Variants in MICU3 observed in about 807,000 individuals in gnomAD.
MICU3 encodes calcium uptake protein 3, mitochondrial.
A neutral mutation model predicts 66.5 loss-of-function variants in MICU3; 62 were observed. The observed-to-expected ratio is 0.93, with a 90% CI of 0.76 to 1.15. MICU3 has a LOEUF of 1.15. Ranked by LOEUF, MICU3 falls within the 50% of genes most tolerant of loss-of-function variation. The pLI is 0.00. For synonymous variants in MICU3, 308 were observed against 240.7 expected (o/e 1.28, Z -2.59); for missense variants, 779 against 664.4 (o/e 1.17, Z -1.90).
intron 8 of MICU3, among the ~76,000 whole-genome samples, chr8:17,096,972 TGTGTGTGTG>T: frequency 6.6e-6 from 1 of 150,814 alleles, no homozygotes; most frequent in Non-Finnish European, 1.5e-5. Context: ...TGTGTGTGTG[TGTGTGTGTG>T]TGTGTGTGTG....
intron 4 of MICU3, among the ~76,000 whole-genome samples, chr8:17,079,906 G>A (rs1336569245): frequency 2.6e-5 from 4 of 152,188 alleles, no homozygotes; most frequent in South Asian, 4.1e-4. Context: ...AACATGTATT[G>A]TAGAGACTTA....
chr8:17,083,317 C>T (rs972014059), intron 5 of MICU3, among the ~76,000 whole-genome samples: 1 of 152,042 alleles, frequency 6.6e-6, no homozygotes, highest in Non-Finnish European at 1.5e-5. Context: ...ATGTTATCCC[C>T]AGGAGCAATT....
At chr8:17,077,671 A>G (rs1820577989) in intron 3 of MICU3, 112 bp from the exon 4 acceptor site, 2 of 657,966 alleles carry the variant, frequency 3.0e-6, no homozygotes, top group Non-Finnish European at 5.2e-6. Context: ...AAATAATGCC[A>G]TGTTTCAGGT....
chr8:17,113,444 A>G (rs1802389750), intron 11 of MICU3, among the ~76,000 whole-genome samples: 1 of 152,240 alleles, frequency 6.6e-6, no homozygotes, highest in Admixed American at 6.5e-5. Context: ...TATACACATG[A>G]CATTCCAGAA....
chr8:17,062,621 A>G (rs1818019530), intron 1 of MICU3, among the ~76,000 whole-genome samples: 1 of 152,202 alleles, frequency 6.6e-6, no homozygotes, highest in African/African-American at 2.4e-5. Context: ...CTAAATATTT[A>G]AACAGTTTTT....
At chr8:17,112,490 T>A (rs948523922) in intron 11 of MICU3, among the ~76,000 whole-genome samples, 2 of 152,210 alleles carry the variant, frequency 1.3e-5, no homozygotes, top group Non-Finnish European at 2.9e-5. Flanking sequence ...AAACATTGCT[T>A]TAATTATCTC....
rs534590339 is a variant in MICU3 at position 17,120,310 on chromosome 8, A to G, written c.*23A>G. The G allele has an allele frequency of 3.0e-4, 45 of 152,254 alleles. 1 individual carries two copies. The highest frequency in any genetic ancestry group is 1.0e-3 in the African/African-American group (43 of 41,560). The allele number at this position is 152,254 out of a possible 1,614,324, so 9.4% of individuals were successfully genotyped here. A position where few individuals can be genotyped will look rare whatever the true frequency, so the allele number is the denominator to read the frequency against. On this transcript the variant is annotated 3_prime_UTR_variant, in exon 15 of 15. Coordinates refer to ENST00000318063, the MANE Select transcript of MICU3 (RefSeq NM_181723.3). Reference sequence around the variant, plus strand: ...TAGATACTCCTAAAACAAAGTTTAAAGGATTACTATCTGTGTGACAAATAA... The same window carrying G: ...TAGATACTCCTAAAACAAAGTTTAAGGGATTACTATCTGTGTGACAAATAA...
In MICU3 at chr8:17,027,677, G is replaced by A; in HGVS notation, c.381+17G>A. On this transcript the variant is annotated intron_variant, in intron 1 of 14. Coordinates refer to ENST00000318063, the MANE Select transcript of MICU3 (RefSeq NM_181723.3). ...AAGGAGACGGTGAGTGCGCGAGCGC[G>A]CGTCACACCTGCGCGGGGGATGTGA... 1 of 1,278,156 alleles carries A rather than the reference G, an allele frequency of 7.8e-7. No homozygotes were observed. The highest frequency in any genetic ancestry group is 3.1e-5 in the East Asian group (1 of 31,932). 79.2% of individuals were successfully genotyped at this position (1,278,156 alleles called of 1,614,324 possible). A position where few individuals can be genotyped will look rare whatever the true frequency, so the allele number is the denominator to read the frequency against.
At chr8:17,086,481 A>G (rs912318604) in intron 6 of MICU3, among the ~76,000 whole-genome samples, 1 of 152,018 alleles carries the variant, frequency 6.6e-6, no homozygotes, top group Non-Finnish European at 1.5e-5. Context: ...TGATGGGGAG[A>G]TGGCGGTTTT....
At chr8:17,073,975 A>G (rs963922003) in intron 3 of MICU3, among the ~76,000 whole-genome samples, 1 of 152,190 alleles carries the variant, frequency 6.6e-6, no homozygotes, top group Non-Finnish European at 1.5e-5. Flanking sequence ...AACTATTTTC[A>G]TCATAATATT....
Position 17,042,931 on chromosome 8 carries a change from A to ATTTTTTT in MICU3, c.381+15291_381+15297dup, listed in dbSNP as rs996846253. ...AAACTGCTTGTAGCAATTCAAAGTG[A>ATTTTTTT]TTTTTTTTTTTTTTTTTTTTTTTTT... On this transcript the variant is annotated intron_variant, in intron 1 of 14. Coordinates refer to ENST00000318063, the MANE Select transcript of MICU3 (RefSeq NM_181723.3). Among the ~76,000 whole-genome samples, 221 of 82,158 alleles carry ATTTTTTT rather than the reference A, an allele frequency of 2.7e-3. 54 individuals carry two copies. The highest frequency in any genetic ancestry group is 0.012 in the African/African-American group (207 of 17,332). 53.9% of individuals were successfully genotyped at this position (82,158 alleles called of 152,430 possible). A position where few individuals can be genotyped will look rare whatever the true frequency, so the allele number is the denominator to read the frequency against.
At chr8:17,118,933 G>A (rs182138239) in intron 14 of MICU3, among the ~76,000 whole-genome samples, 158 bp downstream of exon 14, 2 of 151,992 alleles carry the variant, frequency 1.3e-5, no homozygotes, top group African/African-American at 2.4e-5. Context: ...AAAATTTTAC[G>A]TTAAACCTGA....
intron 11 of MICU3, among the ~76,000 whole-genome samples, chr8:17,111,492 T>A (rs571227110): frequency 2.6e-5 from 4 of 152,128 alleles, no homozygotes; most frequent in Non-Finnish European, 5.9e-5. Flanking sequence ...CAGCTAATTT[T>A]GATAGTGTTC....
rs943961217 is a variant in MICU3, at chr8:17,057,330, C to T, written c.382-6754C>T. On this transcript the variant is annotated intron_variant, in intron 1 of 14. Transcript: ENST00000318063. ...ATGGGTTGGTTCTAAGGATAGGGAGCAAATCAGGAGCTCAGTTCTTGTTCC... is the reference window on the plus strand; with the variant it reads ...ATGGGTTGGTTCTAAGGATAGGGAGTAAATCAGGAGCTCAGTTCTTGTTCC... Among the ~76,000 whole-genome samples, 3 of 152,092 alleles carry T rather than the reference C, an allele frequency of 2.0e-5. No homozygotes were observed. The East Asian group carries it at 5.8e-4, about 29-fold the overall frequency.
At chr8:17,037,672 A>G (rs975096311) in intron 1 of MICU3, among the ~76,000 whole-genome samples, 4 of 152,130 alleles carry the variant, frequency 2.6e-5, no homozygotes, top group African/African-American at 7.2e-5. Flanking sequence ...GAGGGCCACC[A>G]TCCTCCAGAC....
chr8:17,064,291 C>A, intron 2 of MICU3, 54 bp downstream of exon 2: 1 of 1,409,750 alleles, frequency 7.1e-7, no homozygotes, highest in Non-Finnish European at 9.8e-7. Context: ...TTATCTCTAG[C>A]TTGTGAATGG....
chr8:17,067,045 A>G (rs1818835568), intron 2 of MICU3, among the ~76,000 whole-genome samples: 1 of 152,214 alleles, frequency 6.6e-6, no homozygotes, highest in African/African-American at 2.4e-5. Flanking sequence ...AGGATATTTT[A>G]CAACCACAAC....
chr8:17,077,865 A>T lies in MICU3; in HGVS notation c.646+4A>T, dbSNP rs112905373. On this transcript the variant is annotated splice_donor_region_variant and intron_variant, in intron 4 of 14. Coordinates refer to ENST00000318063, the MANE Select transcript of MICU3 (RefSeq NM_181723.3). Reference sequence around the variant, plus strand: ...TTTCGAAATCTTAAAGAAAAAGGTGAGTTAACCTTAGTACTTGTTCTTTTT... The same window carrying T: ...TTTCGAAATCTTAAAGAAAAAGGTGTGTTAACCTTAGTACTTGTTCTTTTT... 6.3e-7 allele frequency: 1 copy of T among 1,582,108 alleles called. No individual in the cohort carries two copies. Among genetic ancestry groups the T allele is most frequent in the African/African-American group, 1.3e-5 (1 of 74,184 alleles).
chr8:17,053,712 A>T (rs1371457179), intron 1 of MICU3, among the ~76,000 whole-genome samples: 3 of 152,218 alleles, frequency 2.0e-5, no homozygotes, highest in African/African-American at 7.2e-5. Context: ...TGAAGAAATC[A>T]TGTATATTTT....
Sources: allele counts gnomAD v4.1 joint callset (sites outside exome capture counted in the v4.1 genomes callset), GRCh38; gene constraint gnomAD v4.1.1; transcripts MANE v1.5; gene names NCBI Gene and HGNC (gene_info 2026-07-23, HGNC 2026-07-21).